The following NRG1 variants were observed in gnomAD, a reference collection of about 807,000 sequenced individuals.
NRG1 encodes pro-neuregulin-1, membrane-bound isoform.
Under a neutral mutation model 63.8 loss-of-function variants are expected in NRG1, and 18 were observed. That is an observed-to-expected ratio of 0.28 (90% CI 0.19 to 0.42). NRG1 has a LOEUF of 0.42. Ranked by LOEUF, NRG1 falls within the 10% of genes least tolerant of loss-of-function variation. NRG1 has a pLI of 1.00. For missense variants in NRG1, 762 were observed against 814.7 expected, an observed-to-expected ratio of 0.94 and a Z score of 0.79; for synonymous variants, 302 against 301.3, an observed-to-expected ratio of 1.00 and a Z score of -0.02.
intron 1 of NRG1, among the ~76,000 whole-genome samples, chr8:32,174,530 T>C (rs1183718359): frequency 7.9e-5 from 12 of 152,024 alleles, no homozygotes; most frequent in African/African-American, 2.9e-4. Context: ...CTTCAAAAAA[T>C]CAATGAATCC....
chr8:32,199,388 T>A (rs1182169459), intron 1 of NRG1, among the ~76,000 whole-genome samples: 1 of 152,242 alleles, frequency 6.6e-6, no homozygotes, highest in East Asian at 1.9e-4. Flanking sequence ...GTAGCCCTGA[T>A]ACTTTTCTCA....
intron 1 of NRG1, among the ~76,000 whole-genome samples, chr8:32,105,488 A>C (rs1831146501): frequency 6.6e-6 from 1 of 152,148 alleles, no homozygotes; most frequent in Non-Finnish European, 1.5e-5. Flanking sequence ...AGCATGGCAA[A>C]GACCCGCCAC....
intron 1 of NRG1, among the ~76,000 whole-genome samples, chr8:32,015,282 C>T (rs113157383): frequency 2.4e-3 from 360 of 152,044 alleles, no homozygotes; most frequent in Non-Finnish European, 4.3e-3. Context: ...ATGGTGTATA[C>T]GAATATAAAC....
At chr8:31,942,629 A>G (rs1001771238) in intron 1 of NRG1, among the ~76,000 whole-genome samples, 4 of 152,188 alleles carry the variant, frequency 2.6e-5, no homozygotes, top group African/African-American at 9.7e-5. Context: ...AAATCTTCAC[A>G]ATCTATACAT....
At chr8:31,782,806 T>C (rs991085910) in intron 1 of NRG1, among the ~76,000 whole-genome samples, 1 of 152,118 alleles carries the variant, frequency 6.6e-6, no homozygotes, top group Non-Finnish European at 1.5e-5. Flanking sequence ...TAAATTGGGG[T>C]CTCGGGTTCT....
intron 5 of NRG1, among the ~76,000 whole-genome samples, chr8:32,637,070 T>A (rs1339141977): frequency 6.6e-6 from 1 of 152,132 alleles, no homozygotes; most frequent in Non-Finnish European, 1.5e-5. Flanking sequence ...AGAAACACCA[T>A]GAAAAATTTT....
chr8:31,763,764 C>T (rs972125499), intron 1 of NRG1, among the ~76,000 whole-genome samples: 14 of 152,288 alleles, frequency 9.2e-5, no homozygotes, highest in Non-Finnish European at 2.9e-5. Context: ...TCCTGGCTAA[C>T]ACGGTGAAAC....
intron 1 of NRG1, among the ~76,000 whole-genome samples, chr8:31,756,179 T>C (rs1312349408): frequency 6.6e-6 from 1 of 152,128 alleles, no homozygotes; most frequent in Non-Finnish European, 1.5e-5. Context: ...ACGTCTCACA[T>C]TTCACACAAA....
At chr8:32,614,446 C>A in intron 3 of NRG1, 68 bp from the exon 4 acceptor site, 1 of 1,480,546 alleles carries the variant, frequency 6.8e-7, no homozygotes, top group Non-Finnish European at 9.4e-7. Context: ...AGTTCCAAGG[C>A]AGGCTGTGGT....
chr8:31,961,727 G>A (rs541146437), intron 1 of NRG1, among the ~76,000 whole-genome samples: 3 of 152,166 alleles, frequency 2.0e-5, no homozygotes, highest in African/African-American at 7.2e-5. Flanking sequence ...AGGAAATGAA[G>A]CATGAAGGGA....
At chr8:32,484,057 C>T (rs1255217373) in intron 1 of NRG1, among the ~76,000 whole-genome samples, 2 of 150,750 alleles carry the variant, frequency 1.3e-5, no homozygotes, top group African/African-American at 4.9e-5. Flanking sequence ...GAGCCAAGAT[C>T]GCACCACTGC....
chr8:32,280,558 C>G (rs1237684894), intron 1 of NRG1, among the ~76,000 whole-genome samples: 2 of 151,898 alleles, frequency 1.3e-5, no homozygotes, highest in African/African-American at 4.8e-5. Context: ...ATGGAGATTC[C>G]CAGGGGCCGT....
At chr8:31,887,835 T>A (rs946066692) in intron 1 of NRG1, among the ~76,000 whole-genome samples, 3 of 152,002 alleles carry the variant, frequency 2.0e-5, no homozygotes, top group African/African-American at 7.2e-5. Flanking sequence ...GAATTTAGAT[T>A]AGATAAAGGA....
At chr8:32,665,703 C>G (rs1803969585) in intron 5 of NRG1, among the ~76,000 whole-genome samples, 1 of 152,124 alleles carries the variant, frequency 6.6e-6, no homozygotes, top group Non-Finnish European at 1.5e-5. Flanking sequence ...ACTTGTGCTG[C>G]TCAAAAACAA....
intron 1 of NRG1, among the ~76,000 whole-genome samples, chr8:32,040,750 C>CATATATATATATATATAT (rs71208164): frequency 0.091 from 4,427 of 48,496 alleles, 545 homozygotes; most frequent in East Asian, 0.14. Flanking sequence ...AATTTAGGCG[C>CATATATATATATATATAT]ATATATATAT....
chr8:32,263,484 C>T (rs1439950763), intron 1 of NRG1, among the ~76,000 whole-genome samples: 2 of 152,124 alleles, frequency 1.3e-5, no homozygotes, highest in Non-Finnish European at 2.9e-5. Flanking sequence ...CCATCCTGCT[C>T]CCATTGTCAG....
intron 1 of NRG1, among the ~76,000 whole-genome samples, chr8:31,857,838 A>C (rs1038779470): frequency 6.6e-6 from 1 of 152,218 alleles, no homozygotes; most frequent in South Asian, 2.1e-4. Context: ...GGCAACTCAC[A>C]ACATCAACAA....
Position 32,721,683 on chromosome 8 carries a change from A to T in NRG1, c.503-6266A>T, listed in dbSNP as rs1820684676. ...CAAGTACATATTTGCTATTCAGCAA[A>T]GGATTGAATGACTTCTCAGGAAAAA... On this transcript the variant is annotated intron_variant, in intron 5 of 11. Coordinates refer to ENST00000356819, the Ensembl canonical transcript of NRG1. 6 of 328,422 alleles carry T rather than the reference A, an allele frequency of 1.8e-5. No homozygotes were observed. In the Middle Eastern group the frequency reaches 2.7e-3, roughly 146 times the overall value. The allele number at this position is 328,422 out of a possible 1,614,324, so 20.3% of individuals were successfully genotyped here. A position where few individuals can be genotyped will look rare whatever the true frequency, so the allele number is the denominator to read the frequency against.
chr8:31,986,898 G>A (rs186608), intron 1 of NRG1, among the ~76,000 whole-genome samples: 3,278 of 152,212 alleles, frequency 0.022, 107 homozygotes, highest in African/African-American at 0.075. Flanking sequence ...TGACTTTTAA[G>A]CTAAAGAAGG....
Sources: allele counts gnomAD v4.1 joint callset (sites outside exome capture counted in the v4.1 genomes callset), GRCh38; gene constraint gnomAD v4.1.1; transcripts MANE v1.5; gene names NCBI Gene and HGNC (gene_info 2026-07-23, HGNC 2026-07-21).